Variants in BBS9 observed in about 807,000 individuals in gnomAD.
BBS9 encodes protein PTHB1.
In BBS9, 89 loss-of-function variants were observed where a neutral mutation model predicts 117.7. That is an observed-to-expected ratio of 0.76 (90% CI 0.64 to 0.90). The LOEUF is 0.90. Among genes scored for constraint, BBS9 ranks in the 40% least tolerant of loss-of-function variants. The pLI is 0.00. For synonymous variants in BBS9, 379 were observed against 370.9 expected, an observed-to-expected ratio of 1.02 and a Z score of -0.25; for missense variants, 982 against 1,042.2, an observed-to-expected ratio of 0.94 and a Z score of 0.80.
At chr7:33,202,153 G>A (rs1562788351) in intron 5 of BBS9, among the ~76,000 whole-genome samples, 2 of 152,148 alleles carry the variant, frequency 1.3e-5, no homozygotes, top group Non-Finnish European at 2.9e-5. Context: ...GTTCGATAGG[G>A]CTCTGTCTCA....
At chr7:33,550,472 T>G (rs1854221884) in intron 21 of BBS9, among the ~76,000 whole-genome samples, 1 of 152,186 alleles carries the variant, frequency 6.6e-6, no homozygotes, top group Non-Finnish European at 1.5e-5. Flanking sequence ...GACACAACAA[T>G]TTGGCCTATT....
intron 19 of BBS9, among the ~76,000 whole-genome samples, chr7:33,503,281 C>G (rs1845698535): frequency 6.6e-6 from 1 of 152,148 alleles, no homozygotes; most frequent in Non-Finnish European, 1.5e-5. Context: ...ACCCTGCGTA[C>G]AGTCCTGGGC....
rs577895571 is a variant in BBS9, at chr7:33,304,420, C to T, written c.1016+30464C>T. Reference sequence around the variant, plus strand: ...GGGAGGTGAGGAGTGTCTGCCCAGCCGCCACCCCGCCTAGGAATTGAGGAG... The same window carrying T: ...GGGAGGTGAGGAGTGTCTGCCCAGCTGCCACCCCGCCTAGGAATTGAGGAG... On this transcript the variant is annotated intron_variant, in intron 9 of 22. Transcript: ENST00000242067. 1.4e-4 allele frequency among the ~76,000 whole-genome samples: 21 copies of T among 148,256 alleles called. 1 individual carries two copies. The highest frequency in any genetic ancestry group is 2.7e-4 in the African/African-American group (11 of 40,014).
In BBS9 at chr7:33,574,726, C is replaced by CAT. The variant is rs759591866; in HGVS notation, c.2522-30139_2522-30138insAT. On this transcript the variant is annotated intron_variant, in intron 21 of 22. Coordinates refer to ENST00000242067, the MANE Select transcript of BBS9 (RefSeq NM_198428.3). The stretch of plus-strand genomic sequence containing the variant: ...ACACACACACACACACACACACACA[C>CAT]GCGCACACACACACACTTTCACTAT... 7.6e-4 allele frequency among the ~76,000 whole-genome samples: 98 copies of CAT among 129,580 alleles called. 1 individual carries two copies. Among genetic ancestry groups the CAT allele is most frequent in the South Asian group, 6.9e-3 (29 of 4,220 alleles). 85.0% of individuals were successfully genotyped at this position (129,580 alleles called of 152,430 possible).
chr7:33,190,542 C>T (rs912688816), intron 5 of BBS9, among the ~76,000 whole-genome samples: 5 of 152,164 alleles, frequency 3.3e-5, no homozygotes, highest in African/African-American at 9.7e-5. Flanking sequence ...GACTGGCTAA[C>T]GTCACTTGAG....
At chr7:33,558,512 T>A (rs550741782) in intron 21 of BBS9, among the ~76,000 whole-genome samples, 26 of 152,006 alleles carry the variant, frequency 1.7e-4, no homozygotes, top group Non-Finnish European at 3.2e-4. Context: ...CTGGGGAGAA[T>A]GATGTGAGAT....
chr7:33,420,642 G>A (rs1832719682), intron 19 of BBS9, among the ~76,000 whole-genome samples: 1 of 152,046 alleles, frequency 6.6e-6, no homozygotes. Context: ...TGATGCTGAG[G>A]AGCCCACTGC....
intron 21 of BBS9, among the ~76,000 whole-genome samples, chr7:33,619,424 C>G (rs1865297629): frequency 6.6e-6 from 1 of 151,942 alleles, no homozygotes; most frequent in African/African-American, 2.4e-5. Context: ...ACTTCAGACC[C>G]CACTCTCCAC....
intron 16 of BBS9, among the ~76,000 whole-genome samples, chr7:33,362,212 G>T (rs181542957): frequency 6.6e-6 from 1 of 152,214 alleles, no homozygotes; most frequent in East Asian, 1.9e-4. Flanking sequence ...CTCCCAGCCT[G>T]TGATATGTAT....
intron 9 of BBS9, among the ~76,000 whole-genome samples, chr7:33,313,715 T>A (rs1809829646): frequency 6.6e-6 from 1 of 152,240 alleles, no homozygotes; most frequent in Admixed American, 6.5e-5. Flanking sequence ...TCCTCCATTT[T>A]ACTTGTCCTT....
intron 21 of BBS9, among the ~76,000 whole-genome samples, chr7:33,586,884 T>C (rs1860991006): frequency 6.6e-6 from 1 of 152,020 alleles, no homozygotes; most frequent in Non-Finnish European, 1.5e-5. Flanking sequence ...CAATAGACAC[T>C]GCAGAATGTA....
At chr7:33,525,114 T>C (rs1849276640) in intron 20 of BBS9, among the ~76,000 whole-genome samples, 1 of 152,186 alleles carries the variant, frequency 6.6e-6, no homozygotes, top group Non-Finnish European at 1.5e-5. Flanking sequence ...GTCTGAGAGA[T>C]AGTTTGTTAT....
At chr7:33,184,612 C>A (rs1015185493) in intron 5 of BBS9, among the ~76,000 whole-genome samples, 9 of 152,132 alleles carry the variant, frequency 5.9e-5, no homozygotes, top group African/African-American at 2.2e-4. Flanking sequence ...CTAAGTTGGG[C>A]CTCTAATCCA....
chr7:33,394,125 C>A (rs1324158885), intron 19 of BBS9, among the ~76,000 whole-genome samples: 1 of 152,118 alleles, frequency 6.6e-6, no homozygotes, highest in Non-Finnish European at 1.5e-5. Context: ...AAAAGCAGAG[C>A]ATGATTCTTA....
intron 5 of BBS9, among the ~76,000 whole-genome samples, chr7:33,202,487 A>G (rs977758803): frequency 2.0e-5 from 3 of 152,090 alleles, no homozygotes; most frequent in African/African-American, 7.2e-5. Context: ...ACTACCCAAG[A>G]TTGGGTAATT....
intron 19 of BBS9, among the ~76,000 whole-genome samples, chr7:33,406,217 T>C (rs372832425): frequency 4.6e-5 from 7 of 152,338 alleles, no homozygotes; most frequent in African/African-American, 7.2e-5. Flanking sequence ...CAGTTTGTTA[T>C]AATTTCTGTT....
At chr7:33,320,495 A>G (rs1014231996) in intron 9 of BBS9, among the ~76,000 whole-genome samples, 2 of 152,202 alleles carry the variant, frequency 1.3e-5, no homozygotes, top group East Asian at 3.9e-4. Flanking sequence ...TCGTCTGTTG[A>G]TGGACACTTA....
chr7:33,431,387 C>T (rs1049917545), intron 19 of BBS9, among the ~76,000 whole-genome samples: 1 of 152,140 alleles, frequency 6.6e-6, no homozygotes, highest in South Asian at 2.1e-4. Context: ...CTATCCTAGT[C>T]AGAGTCCGCT....
chr7:33,332,269 T>C (rs1346775755), intron 9 of BBS9, among the ~76,000 whole-genome samples: 1 of 152,188 alleles, frequency 6.6e-6, no homozygotes, highest in Non-Finnish European at 1.5e-5. Flanking sequence ...TAAAACTAGA[T>C]TCTTATCTCC....
Sources: gnomAD v4.1 joint callset for allele counts (sites outside exome capture counted in the v4.1 genomes callset) on GRCh38, gnomAD v4.1.1 for gene constraint, MANE v1.5 for transcripts, NCBI Gene and HGNC (gene_info 2026-07-23, HGNC 2026-07-21) for gene names.